Variants in PLEKHM3 observed in about 807,000 individuals in gnomAD.
The protein encoded by PLEKHM3 is pleckstrin homology domain containing M3, also known as pleckstrin homology domain-containing family M member 3.
Under a neutral mutation model 81.8 loss-of-function variants are expected in PLEKHM3, and 45 were observed. The observed-to-expected ratio is 0.55, with a 90% confidence interval of 0.43 to 0.71. The LOEUF (loss-of-function observed/expected upper bound fraction) is 0.71. Ranked by LOEUF, PLEKHM3 falls within the 30% of genes least tolerant of loss-of-function variation. The pLI is 0.00. For missense variants in PLEKHM3, 788 were observed against 924.3 expected (o/e 0.85, Z 1.91); for synonymous variants, 352 against 356.4 (o/e 0.99, Z 0.14).
intron 5 of PLEKHM3, among the ~76,000 whole-genome samples, chr2:207,909,088 G>C (rs1294560527): frequency 6.6e-6 from 1 of 151,334 alleles, no homozygotes; most frequent in Admixed American, 6.5e-5. Context: ...CATTAATGAG[G>C]AGGAGTGATA....
chr2:207,934,722 C>A (rs73983650), intron 4 of PLEKHM3, among the ~76,000 whole-genome samples: 3 of 152,138 alleles, frequency 2.0e-5, no homozygotes, highest in African/African-American at 4.8e-5. Context: ...TACAAACTAA[C>A]AATGATCAGA....
chr2:207,977,944 G>T (rs533494745), intron 2 of PLEKHM3, among the ~76,000 whole-genome samples: 5 of 152,226 alleles, frequency 3.3e-5, no homozygotes, highest in African/African-American at 1.2e-4. Flanking sequence ...AAAATTAGCT[G>T]GGCATGGTGG....
chr2:207,887,984 T>A (rs1687931733), intron 6 of PLEKHM3, among the ~76,000 whole-genome samples: 1 of 152,164 alleles, frequency 6.6e-6, no homozygotes, highest in African/African-American at 2.4e-5. Flanking sequence ...CAGAAAGATC[T>A]GCATTATAAA....
intron 3 of PLEKHM3, among the ~76,000 whole-genome samples, chr2:207,965,461 T>C (rs1690879101): frequency 6.6e-6 from 1 of 151,476 alleles, no homozygotes. Context: ...GATCTATATC[T>C]TCTGAAATTC....
At chr2:207,865,458 T>C (rs1171661320) in intron 6 of PLEKHM3, among the ~76,000 whole-genome samples, 1 of 151,988 alleles carries the variant, frequency 6.6e-6, no homozygotes, top group East Asian at 1.9e-4. Context: ...CCCTCTGCCA[T>C]GCCCCTGCAA....
intron 1 of PLEKHM3, among the ~76,000 whole-genome samples, chr2:208,011,456 A>G (rs1308208937): frequency 2.0e-5 from 3 of 152,200 alleles, no homozygotes; most frequent in African/African-American, 7.2e-5. Context: ...AATGGCATTT[A>G]CAGCAACCTG....
At chr2:207,894,907 T>C (rs923311377) in intron 6 of PLEKHM3, among the ~76,000 whole-genome samples, 1 of 152,188 alleles carries the variant, frequency 6.6e-6, no homozygotes, top group African/African-American at 2.4e-5. Context: ...GAAATGTGGA[T>C]AATAATAGTA....
chr2:207,828,506 T>A lies in PLEKHM3; in HGVS notation c.2109-10A>T. 6.2e-7 allele frequency: 1 copy of A among 1,612,682 alleles called. No individual in the cohort carries two copies. Among genetic ancestry groups the A allele is most frequent in the Non-Finnish European group, 8.5e-7 (1 of 1,179,250 alleles). ...TCCACAGCTTTCACACCTGCAAAAG[T>A]CAACCATGGATATGATGAGCAAGAC... is the stretch of plus-strand genomic sequence containing the variant. On this transcript the variant is annotated splice_polypyrimidine_tract_variant and intron_variant, in intron 7 of 7. Transcript: ENST00000427836.
chr2:208,021,692 A>G (rs1693137032), intron 1 of PLEKHM3, among the ~76,000 whole-genome samples: 1 of 152,250 alleles, frequency 6.6e-6, no homozygotes, highest in Non-Finnish European at 1.5e-5. Flanking sequence ...GAAAGAGAAT[A>G]AAAGGCAAAA....
intron 4 of PLEKHM3, among the ~76,000 whole-genome samples, chr2:207,937,480 G>A (rs905849966): frequency 2.0e-5 from 3 of 151,828 alleles, no homozygotes; most frequent in Non-Finnish European, 4.4e-5. Flanking sequence ...TGGGGTGGGA[G>A]GAATGCTTGA....
intron 4 of PLEKHM3, among the ~76,000 whole-genome samples, chr2:207,933,519 G>C (rs1689656029): frequency 6.6e-6 from 1 of 152,174 alleles, no homozygotes; most frequent in African/African-American, 2.4e-5. Flanking sequence ...GCTCTGTTGA[G>C]CAGTGTTTAT....
intron 3 of PLEKHM3, among the ~76,000 whole-genome samples, chr2:207,974,852 G>A (rs918559732): frequency 2.8e-5 from 4 of 142,978 alleles, no homozygotes; most frequent in Non-Finnish European, 6.0e-5. Context: ...TTTTTTTTGA[G>A]ATGGAGTCTC....
intron 3 of PLEKHM3, among the ~76,000 whole-genome samples, chr2:207,952,965 A>G (rs559040691): frequency 6.6e-6 from 1 of 152,366 alleles, no homozygotes; most frequent in South Asian, 2.1e-4. Context: ...GGTGACCCAT[A>G]AAGTAGGAGC....
intron 3 of PLEKHM3, among the ~76,000 whole-genome samples, chr2:207,954,134 C>G (rs1690427320): frequency 6.6e-6 from 1 of 152,134 alleles, no homozygotes; most frequent in African/African-American, 2.4e-5. Context: ...TTATAGAGAG[C>G]TATGATCGCA....
chr2:207,873,335 G>A (rs1048071592), intron 6 of PLEKHM3, among the ~76,000 whole-genome samples: 4 of 152,134 alleles, frequency 2.6e-5, no homozygotes, highest in African/African-American at 7.2e-5. Context: ...GACCTTTTCT[G>A]TTAATCACTT....
At position 207,922,538 on chromosome 2, in the gene PLEKHM3, C is replaced by A. The variant is rs565088671; in HGVS notation, c.1886+8388G>T. ...GAAAACCATCCAAGCCCTGGCCAGGCGCGGTGGCTCACGCCTGTAATCCCA... is the reference window on the plus strand; with the variant it reads ...GAAAACCATCCAAGCCCTGGCCAGGAGCGGTGGCTCACGCCTGTAATCCCA... On this transcript the variant is annotated intron_variant, in intron 5 of 7. Transcript: ENST00000427836. Among the ~76,000 whole-genome samples, 7 of 152,234 alleles carry A rather than the reference C, an allele frequency of 4.6e-5. No individual in the cohort carries two copies. The East Asian group carries it at 1.4e-3, about 29-fold the overall frequency.
intron 6 of PLEKHM3, among the ~76,000 whole-genome samples, chr2:207,865,511 C>T (rs1166164544): frequency 6.6e-6 from 1 of 151,938 alleles, no homozygotes; most frequent in East Asian, 1.9e-4. Context: ...GATGCAGTGG[C>T]TCATGCCTGT....
At position 207,976,973 on chromosome 2, in the gene PLEKHM3, G is replaced by T. The variant is rs377380772; in HGVS notation, c.1224C>A (p.Asp408Glu). ...TGTCCATCTGGACAGCCAGACACAC[G>T]TCCACGTTGTAGCTCAACAGTGGAT... The part of the protein sequence containing the change: ...DEDPLLSYNV[D>E]VCLAVQMDNL... Residue 408 changes from aspartate to glutamate, a missense_variant, in exon 3 of 8, where the codon GAC (aspartate) becomes GAA (glutamate). Physicochemically the swap from Asp to Glu is conservative, Grantham distance 45 (BLOSUM62 2). Transcript: ENST00000427836. The surrounding 1 kb of genome is among the most constrained non-coding windows in gnomAD (Gnocchi z 4.1). The T allele has an allele frequency of 1.2e-6, 2 of 1,614,058 alleles. No individual in the cohort carries two copies. Among genetic ancestry groups the T allele is most frequent in the African/African-American group, 2.7e-5 (2 of 74,936 alleles).
At chr2:207,850,892 C>T (rs2092408548) in intron 7 of PLEKHM3, among the ~76,000 whole-genome samples, 1 of 151,400 alleles carries the variant, frequency 6.6e-6, no homozygotes, top group Admixed American at 6.6e-5. Context: ...CAGTGGCTCA[C>T]GCCTGTAATC....
Sources: gnomAD v4.1 joint callset for allele counts (sites outside exome capture counted in the v4.1 genomes callset) on GRCh38, gnomAD v4.1.1 for gene constraint, Gnocchi (gnomAD v3.1) non-coding constraint, MANE v1.5 for transcripts, NCBI Gene and HGNC (gene_info 2026-07-23, HGNC 2026-07-21) for gene names.